SLX4: variants seen among roughly 807,000 people sequenced by gnomAD.
The protein encoded by SLX4 is structure-specific endonuclease subunit SLX4.
Under a neutral mutation model 146.2 loss-of-function variants are expected in SLX4, and 112 were observed. That is an observed-to-expected ratio of 0.77 (90% CI 0.66 to 0.90). SLX4 has a LOEUF of 0.90. Ranked by LOEUF, SLX4 falls within the 40% of genes least tolerant of loss-of-function variation. SLX4 has a pLI of 0.00. For missense variants in SLX4, 2,563 were observed against 2,392.7 expected, an observed-to-expected ratio of 1.07 and a Z score of -1.49; for synonymous variants, 1,061 against 997.7, an observed-to-expected ratio of 1.06 and a Z score of -1.20.
rs2151117095 is a variant in SLX4, at chr16:3,583,465, C to T, written c.4785G>A (p.Leu1595=). 6.2e-7 allele frequency: 1 copy of T among 1,614,180 alleles called. No homozygotes were observed. Among genetic ancestry groups the T allele is most frequent in the African/African-American group, 1.3e-5 (1 of 75,050 alleles). ...PLPKRQMVLK[L]KEIFQYTHQT... is the part of the protein sequence containing the mutation. ...GGTGAGTGTACTGGAATATCTCCTT[C>T]AGCTTCAGAACCATCTGGCGTTTAG... Residue 1595 remains leucine, a synonymous_variant, in exon 14 of 15, where the codon CTG becomes CTA. Coordinates refer to ENST00000294008, the MANE Select transcript of SLX4 (RefSeq NM_032444.4).
intron 3 of SLX4, among the ~76,000 whole-genome samples, chr16:3,604,181 G>A (rs910859717): frequency 2.0e-5 from 3 of 148,614 alleles, no homozygotes; most frequent in South Asian, 2.1e-4. Flanking sequence ...GCAGTGAACC[G>A]AGATTGTGCC....
chr16:3,603,809 A>T (rs764608923), intron 3 of SLX4, among the ~76,000 whole-genome samples: 24 of 152,236 alleles, frequency 1.6e-4, no homozygotes, highest in African/African-American at 5.5e-4. Context: ...CCTGCAGCCA[A>T]TGAGCCTCTA....
chr16:3,601,061 C>G lies in SLX4; in HGVS notation c.1081G>C (p.Glu361Gln). 4 of 1,613,904 alleles carry G rather than the reference C, an allele frequency of 2.5e-6. No individual in the cohort carries two copies. The highest frequency in any genetic ancestry group is 3.4e-6 in the Non-Finnish European group (4 of 1,179,964). ...SHLKQCAVKM[E>Q]VGPQLLLQAV... Reference sequence around the variant, plus strand: ...TGAAGCAGGAGCTGGGGGCCAACCTCCATCTTCACAGCACACTGCTTCAAG... The same window carrying G: ...TGAAGCAGGAGCTGGGGGCCAACCTGCATCTTCACAGCACACTGCTTCAAG... Residue 361 changes from glutamate to glutamine, a missense_variant, in exon 5 of 15, where the codon GAG becomes CAG. Glu to Gln is a conservative substitution (Grantham distance 29). Coordinates refer to ENST00000294008, the MANE Select transcript of SLX4 (RefSeq NM_032444.4).
rs1191492720 is a variant in SLX4, at chr16:3,596,110, CGGGAGGGCA to C, written c.1924+34_1924+42del. ...GCCTCAGCCGCGGGGAGGGGAGGCCCGGGAGGGCAGGGCTGGCCCTAGAGTCCCACCCAG... is the reference window on the plus strand; with the variant it reads ...GCCTCAGCCGCGGGGAGGGGAGGCCCGGGCTGGCCCTAGAGTCCCACCCAG... On this transcript the variant is annotated intron_variant, in intron 8 of 14. Coordinates refer to ENST00000294008, the MANE Select transcript of SLX4 (RefSeq NM_032444.4). 1.2e-5 allele frequency: 19 copies of C among 1,536,324 alleles called. No homozygotes were observed. In the South Asian group the frequency reaches 1.6e-4, roughly 13 times the overall value.
At chr16:3,604,799 G>A (rs1350454586) in intron 3 of SLX4, among the ~76,000 whole-genome samples, 1 of 136,810 alleles carries the variant, frequency 7.3e-6, no homozygotes, top group Non-Finnish European at 1.5e-5. Context: ...CAACCTGGGA[G>A]ACAGACCAAG....
At chr16:3,585,100 G>A (rs1178963019) in intron 12 of SLX4, among the ~76,000 whole-genome samples, 1 of 152,156 alleles carries the variant, frequency 6.6e-6, no homozygotes, top group Non-Finnish European at 1.5e-5. Flanking sequence ...CGGGTGCCGG[G>A]TGAACAGAGC....
Position 3,583,110 on chromosome 16 carries a change from A to G in SLX4, c.5140T>C (p.Leu1714=). The part of the protein sequence containing the change: ...ATSVDGSDSS[L]SSQSSSSCEF... ...CCATCCGGTTACCTCTGTGAGCTCA[A>G]GGAGCTGTCACTGCCATCCACAGAG... is the stretch of plus-strand genomic sequence containing the variant. Residue 1714 remains leucine (L), a synonymous_variant, in exon 14 of 15, where the codon TTG becomes CTG. Coordinates refer to ENST00000294008, the MANE Select transcript of SLX4 (RefSeq NM_032444.4). 1 of 1,614,256 alleles carries G rather than the reference A, an allele frequency of 6.2e-7. No individual in the cohort carries two copies. The highest frequency in any genetic ancestry group is 8.5e-7 in the Non-Finnish European group (1 of 1,180,034).
Position 3,582,569 on chromosome 16 carries a change from T to C in SLX4, c.5278A>G (p.Ile1760Val), listed in dbSNP as rs377648201. Residue 1760 changes from isoleucine to valine, a missense_variant, in exon 15 of 15, where the codon ATC (isoleucine) becomes GTC (valine). Physicochemically the swap from Ile to Val is conservative, Grantham distance 29 (BLOSUM62 3). Coordinates refer to ENST00000294008, the MANE Select transcript of SLX4 (RefSeq NM_032444.4). ...TGGTACAGGGCCGGCTTGGAGCGGA[T>C]GTAGCACCTCAGCGCCTCGTCTGTG... ...ADTDEALRCY[I>V]RSKPALYQKV... 6.2e-7 allele frequency: 1 copy of C among 1,613,792 alleles called. No individual in the cohort carries two copies. The highest frequency in any genetic ancestry group is 8.5e-7 in the Non-Finnish European group (1 of 1,180,042).
chr16:3,608,467 T>A lies in SLX4; in HGVS notation c.498A>T (p.Gln166His), dbSNP rs765188808. ...CTCTGGAAAGGTTTGGCGATGGTTC[T>A]TGCTGGTTACCCGTCTGGGTGTTTT... The part of the protein sequence containing the change: ...TAQNTQTGNQ[Q>H]EPSPNLSREK... Residue 166 changes from glutamine (Q) to histidine (H), a missense_variant, in exon 2 of 15, where the codon CAA becomes CAT. Physicochemically the swap from Gln to His is conservative, Grantham distance 24. Coordinates refer to ENST00000294008, the MANE Select transcript of SLX4 (RefSeq NM_032444.4). The A allele has an allele frequency of 1.9e-6, 3 of 1,614,224 alleles. No homozygotes were observed. Among genetic ancestry groups the A allele is most frequent in the Non-Finnish European group, 2.5e-6 (3 of 1,180,054 alleles).
intron 3 of SLX4, among the ~76,000 whole-genome samples, chr16:3,605,781 A>T (rs2040774931): frequency 6.6e-6 from 1 of 150,744 alleles, no homozygotes; most frequent in African/African-American, 2.4e-5. Flanking sequence ...CCTTGTCTCT[A>T]CTAAAAATAC....
rs2151121205 is a variant in SLX4, at chr16:3,589,187, G to A, written c.4451C>T (p.Thr1484Ile). ...DTTPIRGSCT[T>I]QRKLQEKSSG... ...GGACTTCTCTTGCAATTTCCTCTGG[G>A]TAGTGCAGCTTCCTCGGATGGGGGT... is the stretch of plus-strand genomic sequence containing the variant. The change falls in exon 12 of 15, where the codon ACC becomes ATC. Residue 1484 changes from threonine to isoleucine, a missense_variant. Physicochemically the swap from Thr to Ile is moderately conservative, Grantham distance 89. Transcript: ENST00000294008. The surrounding 1 kb of genome is among the most constrained non-coding windows in gnomAD (Gnocchi z 6.2). 1 of 1,614,196 alleles carries A rather than the reference G, an allele frequency of 6.2e-7. No homozygotes were observed. Among genetic ancestry groups the A allele is most frequent in the Non-Finnish European group, 8.5e-7 (1 of 1,180,030 alleles).
At chr16:3,588,244 C>T (rs556946885) in intron 12 of SLX4, among the ~76,000 whole-genome samples, 1 of 152,372 alleles carries the variant, frequency 6.6e-6, no homozygotes, top group Admixed American at 6.5e-5. Context: ...CATTCCCCCT[C>T]CCTCCAACCC....
At chr16:3,596,521 A>G (rs2151130396) in intron 7 of SLX4, 128 bp from the exon 8 acceptor site, 1 of 1,196,186 alleles carries the variant, frequency 8.4e-7, no homozygotes. Context: ...CTGTGGGGAC[A>G]GACTGTCCCC....
chr16:3,607,794 A>G (rs2151138697), intron 2 of SLX4, among the ~76,000 whole-genome samples: 1 of 152,360 alleles, frequency 6.6e-6, no homozygotes. Context: ...TTGAGCCCAC[A>G]CAGAGTCCTC....
Position 3,609,073 on chromosome 16 carries a change from C to A in SLX4, c.-109G>T. On this transcript the variant is annotated 5_prime_UTR_variant, in exon 2 of 15. Coordinates refer to ENST00000294008, the MANE Select transcript of SLX4 (RefSeq NM_032444.4). ...TTGAAGTATCTTTGTTCAAATTGGG[C>A]CTGTGGTTAAACATGTTTAAAGCTT... The A allele has an allele frequency of 3.7e-6, 5 of 1,367,138 alleles. No individual in the cohort carries two copies. Among genetic ancestry groups the A allele is most frequent in the Non-Finnish European group, 5.0e-6 (5 of 996,226 alleles). The allele number at this position is 1,367,138 out of a possible 1,614,324, so 84.7% of individuals were successfully genotyped here.
In SLX4 at chr16:3,606,682, G is replaced by A. The variant is rs753005616; in HGVS notation, c.552C>T (p.Ser184=). ...REKTRENVPN[S]DSQPPPSCLT... ...AACAGGAAGGAGGAGGCTGGGAGTC[G>A]CTGTTGGGCACATTCTCTGGCAAGG... The change falls in exon 3 of 15, where the codon AGC becomes AGT. Residue 184 remains serine (S), a synonymous_variant. Coordinates refer to ENST00000294008, the MANE Select transcript of SLX4 (RefSeq NM_032444.4). The A allele has an allele frequency of 4.1e-5, 66 of 1,613,992 alleles. No individual in the cohort carries two copies. Among genetic ancestry groups the A allele is most frequent in the South Asian group, 1.1e-4 (10 of 91,092 alleles).
rs1462677988 is a variant in SLX4 at position 3,589,896 on chromosome 16, C to CCTCGCTGGGGCTGCT, written c.3727_3741dup (p.Ser1243_Glu1247dup). 1.2e-6 allele frequency: 2 copies of CCTCGCTGGGGCTGCT among 1,613,628 alleles called. No homozygotes were observed. The highest frequency in any genetic ancestry group is 2.7e-5 in the African/African-American group (2 of 74,864). On this transcript the variant is annotated inframe_insertion, in exon 12 of 15. Transcript: ENST00000294008. The surrounding 1 kb of genome is among the most constrained non-coding windows in gnomAD (Gnocchi z 6.2). ...AGCCACGAGGTGTCTGTGGTGCTGG[C>CCTCGCTGGGGCTGCT]CTCGCTGGGGCTGCTCTCACGGTCA... is the stretch of plus-strand genomic sequence containing the variant.
At position 3,590,576 on chromosome 16, in the gene SLX4, C is replaced by T. The variant is rs200842643; in HGVS notation, c.3062G>A (p.Arg1021His). 14 of 1,612,736 alleles carry T rather than the reference C, an allele frequency of 8.7e-6. No homozygotes were observed. Among genetic ancestry groups the T allele is most frequent in the Admixed American group, 3.3e-5 (2 of 59,994 alleles). ...VRERGLEVSHRLAPWQASPPH... is the reference protein window; with the variant it reads ...VRERGLEVSHHLAPWQASPPH... ...TGGAGATGCCTGCCAGGGAGCCAGG[C>T]GATGAGAAACCTCCAGCCCCCTTTC... The change falls in exon 12 of 15, where the codon CGC becomes CAC. Residue 1021 changes from arginine to histidine, a missense_variant. Arg to His is a conservative substitution (Grantham distance 29, BLOSUM62 0). Transcript: ENST00000294008. This position sits in a 1 kb window ranked among gnomAD's most constrained non-coding sequence, Gnocchi z 4.8.
rs1011293406 is a variant in SLX4 at position 3,608,750 on chromosome 16, C to G, written c.215G>C (p.Gly72Ala). The change falls in exon 2 of 15, where the codon GGA (glycine) becomes GCA (alanine). Residue 72 changes from glycine (G) to alanine (A), a missense_variant. By Grantham distance (60) the Gly-to-Ala change is moderately conservative (BLOSUM62 0). Transcript: ENST00000294008. ...GGCAGCCTTTTGTGTCTTCCTTTCT[C>G]CTGACACTTCCTTGATTCCATGTTT... is the stretch of plus-strand genomic sequence containing the variant. ...VKKHGIKEVSGERKTQKAASN... is the reference protein window; with the variant it reads ...VKKHGIKEVSAERKTQKAASN... The G allele has an allele frequency of 1.2e-6, 2 of 1,614,154 alleles. No individual in the cohort carries two copies. Among genetic ancestry groups the G allele is most frequent in the Non-Finnish European group, 1.7e-6 (2 of 1,180,038 alleles).
Sources: gnomAD v4.1 joint callset for allele counts (sites outside exome capture counted in the v4.1 genomes callset) on GRCh38, gnomAD v4.1.1 for gene constraint, Gnocchi (gnomAD v3.1) non-coding constraint, MANE v1.5 for transcripts, NCBI Gene and HGNC (gene_info 2026-07-23, HGNC 2026-07-21) for gene names.